Variants in ST8SIA4 observed in about 807,000 individuals in gnomAD.
The protein encoded by ST8SIA4 is ST8 alpha-N-acetyl-neuraminide alpha-2,8-sialyltransferase 4.
A neutral mutation model predicts 33.9 loss-of-function variants in ST8SIA4; 15 were observed. That is an observed-to-expected ratio of 0.44 (90% CI 0.30 to 0.68). ST8SIA4 has a LOEUF of 0.68. Ranked by LOEUF, ST8SIA4 falls within the 30% of genes least tolerant of loss-of-function variation. The pLI is 0.10. For synonymous variants in ST8SIA4, 171 were observed against 151.2 expected (o/e 1.13, Z -0.96); for missense variants, 321 against 428.0 (o/e 0.75, Z 2.21).
chr5:100,817,599 T>C (rs1265737725), intron 4 of ST8SIA4, among the ~76,000 whole-genome samples: 1 of 152,232 alleles, frequency 6.6e-6, no homozygotes, highest in Non-Finnish European at 1.5e-5. Context: ...GTCTGCAGTA[T>C]ATTACATAAA....
chr5:100,845,202 A>G (rs1751544655), intron 4 of ST8SIA4, among the ~76,000 whole-genome samples: 1 of 151,928 alleles, frequency 6.6e-6, no homozygotes, highest in East Asian at 1.9e-4. Context: ...AAACTATTAC[A>G]CTCAAGCTAA....
At chr5:100,839,235 G>T (rs1395182986) in intron 4 of ST8SIA4, among the ~76,000 whole-genome samples, 1 of 151,792 alleles carries the variant, frequency 6.6e-6, no homozygotes, top group South Asian at 2.1e-4. Context: ...ATATTGCAAG[G>T]TTTCATATCT....
At chr5:100,855,605 T>A (rs915374065) in intron 4 of ST8SIA4, among the ~76,000 whole-genome samples, 1 of 152,212 alleles carries the variant, frequency 6.6e-6, no homozygotes, top group Non-Finnish European at 1.5e-5. Context: ...GTTGGCTTAA[T>A]TCATTAAAAC....
intron 3 of ST8SIA4, among the ~76,000 whole-genome samples, chr5:100,864,574 CAAAAAAAAAAAA>C (rs201029430): frequency 4.3e-5 from 3 of 69,382 alleles, no homozygotes; most frequent in Non-Finnish European, 7.9e-5. Context: ...GACTCCGGCT[CAAAAAAAAAAAA>C]AAAAAAAAAA....
intron 4 of ST8SIA4, among the ~76,000 whole-genome samples, chr5:100,823,527 T>G (rs899259060): frequency 1.3e-5 from 2 of 152,244 alleles, no homozygotes; most frequent in African/African-American, 4.8e-5. Flanking sequence ...CAGTAATACC[T>G]GCTCATATAA....
At chr5:100,875,682 G>T (rs1226093385) in intron 3 of ST8SIA4, among the ~76,000 whole-genome samples, 1 of 152,080 alleles carries the variant, frequency 6.6e-6, no homozygotes, top group Non-Finnish European at 1.5e-5. Context: ...GCTCTTGGTT[G>T]GTCCTCTTGA....
At chr5:100,830,542 G>A (rs559896401) in intron 4 of ST8SIA4, among the ~76,000 whole-genome samples, 20 of 152,212 alleles carry the variant, frequency 1.3e-4, no homozygotes, top group South Asian at 1.2e-3. Context: ...GCAGATATCC[G>A]TATACATCAA....
intron 4 of ST8SIA4, among the ~76,000 whole-genome samples, chr5:100,818,063 A>T (rs1750966192): frequency 6.6e-6 from 1 of 152,196 alleles, no homozygotes; most frequent in Admixed American, 6.5e-5. Flanking sequence ...AGCTGAGGAC[A>T]CTGAGGCTTG....
In ST8SIA4 at chr5:100,892,082, A is replaced by G. The variant is rs570376780; in HGVS notation, c.245+3572T>C. On this transcript the variant is annotated intron_variant, in intron 2 of 4. Transcript: ENST00000231461. ...TATTTTTTCTAATTATGATGTGATA[A>G]AGCTATCCTGATGTGTACATTTGTA... Among the ~76,000 whole-genome samples, 3 of 152,200 alleles carry G rather than the reference A, an allele frequency of 2.0e-5. No individual in the cohort carries two copies. In the South Asian group the frequency reaches 6.2e-4, roughly 32 times the overall value.
intron 4 of ST8SIA4, among the ~76,000 whole-genome samples, chr5:100,851,547 T>C (rs1163241727): frequency 2.6e-5 from 4 of 152,054 alleles, no homozygotes; most frequent in Non-Finnish European, 5.9e-5. Flanking sequence ...GAAAATGTCA[T>C]GTTAATTTAA....
At chr5:100,849,403 T>G (rs1751637017) in intron 4 of ST8SIA4, 1 of 985,298 alleles carries the variant, frequency 1.0e-6, no homozygotes, top group Non-Finnish European at 1.2e-6. Flanking sequence ...TACGTCAGTG[T>G]TCTTAGTTAG....
intron 4 of ST8SIA4, among the ~76,000 whole-genome samples, chr5:100,835,737 G>T (rs1039938442): frequency 6.6e-6 from 1 of 152,130 alleles, no homozygotes; most frequent in African/African-American, 2.4e-5. Context: ...TATTTCAACT[G>T]CCAAGTTTGG....
At position 100,807,283 on chromosome 5, in the gene ST8SIA4, A is replaced by G. The variant is rs1750714939; in HGVS notation, c.*4564T>C. The G allele has an allele frequency of 6.6e-6, 1 of 152,622 alleles. No individual in the cohort carries two copies. Among genetic ancestry groups the G allele is most frequent in the African/African-American group, 2.4e-5 (1 of 41,466 alleles). The allele number at this position is 152,622 out of a possible 1,614,324, so 9.5% of individuals were successfully genotyped here. On this transcript the variant is annotated 3_prime_UTR_variant, in exon 5 of 5. Transcript: ENST00000231461. ...CCGGTTGCTATACACAAACAATAAG[A>G]AAACAGTGTTGAACAGAATGAACTT...
chr5:100,854,257 A>G (rs1751765418), intron 4 of ST8SIA4, among the ~76,000 whole-genome samples: 1 of 151,786 alleles, frequency 6.6e-6, no homozygotes, highest in South Asian at 2.1e-4. Flanking sequence ...CCACCAAGAG[A>G]ATGTGTGTTG....
intron 4 of ST8SIA4, among the ~76,000 whole-genome samples, chr5:100,819,370 T>C (rs1229430756): frequency 6.6e-6 from 1 of 152,240 alleles, no homozygotes; most frequent in Non-Finnish European, 1.5e-5. Context: ...GGAAGGTTAG[T>C]CAAATATAAA....
intron 3 of ST8SIA4, among the ~76,000 whole-genome samples, chr5:100,863,534 A>G (rs1231451316): frequency 1.3e-5 from 2 of 152,188 alleles, no homozygotes; most frequent in African/African-American, 4.8e-5. Context: ...AAATAAATAT[A>G]TTGAAATGTG....
chr5:100,826,898 T>C (rs930059099), intron 4 of ST8SIA4, among the ~76,000 whole-genome samples: 1 of 151,478 alleles, frequency 6.6e-6, no homozygotes, highest in Non-Finnish European at 1.5e-5. Flanking sequence ...TATCTGTAAA[T>C]GTATATAACA....
chr5:100,831,161 C>A lies in ST8SIA4; in HGVS notation c.798-19032G>T, dbSNP rs574420893. Among the ~76,000 whole-genome samples, 8 of 152,302 alleles carry A rather than the reference C, an allele frequency of 5.3e-5. No individual in the cohort carries two copies. In the East Asian group the frequency reaches 1.5e-3, roughly 29 times the overall value. On this transcript the variant is annotated intron_variant, in intron 4 of 4. Transcript: ENST00000231461. ...CCTAAATTAACTTTTTGAATTATTT[C>A]TTTTCTCATTATTGCTTCTGTTCTC...
chr5:100,855,852 T>C (rs1751803361), intron 4 of ST8SIA4, among the ~76,000 whole-genome samples: 1 of 152,214 alleles, frequency 6.6e-6, no homozygotes, highest in East Asian at 1.9e-4. Flanking sequence ...ATATAAAAAT[T>C]AGTAGTTTGT....
Sources: allele counts gnomAD v4.1 joint callset (sites outside exome capture counted in the v4.1 genomes callset), GRCh38; gene constraint gnomAD v4.1.1; transcripts MANE v1.5; gene names NCBI Gene and HGNC (gene_info 2026-07-23, HGNC 2026-07-21).